The following SNAPC1 variants were observed in gnomAD, a reference collection of about 807,000 sequenced individuals.
SNAPC1 encodes the protein small nuclear RNA activating complex polypeptide 1.
Under a neutral mutation model 50.1 loss-of-function variants are expected in SNAPC1, and 42 were observed. That is an observed-to-expected ratio of 0.84 (90% CI 0.65 to 1.08). The LOEUF is 1.08. Ranked by LOEUF, SNAPC1 falls within the 50% of genes least tolerant of loss-of-function variation. The probability of loss-of-function intolerance (pLI) is 0.00; values close to 1 mark genes in which losing one functional copy is unlikely to be tolerated. For missense variants in SNAPC1, 477 were observed against 427.3 expected, an observed-to-expected ratio of 1.12 and a Z score of -1.02; for synonymous variants, 164 against 144.2, an observed-to-expected ratio of 1.14 and a Z score of -0.98.
chr14:61,769,427 T>C (rs1423145794), intron 4 of SNAPC1, among the ~76,000 whole-genome samples: 1 of 143,094 alleles, frequency 7.0e-6, no homozygotes, highest in Non-Finnish European at 1.5e-5. Context: ...ACACGGAGTC[T>C]TGCTCTGTCA....
intron 1 of SNAPC1, among the ~76,000 whole-genome samples, chr14:61,765,242 T>G (rs1402853356): frequency 6.6e-6 from 1 of 152,186 alleles, no homozygotes. Context: ...TTCAGATAGT[T>G]TATTCATTAT....
intron 4 of SNAPC1, among the ~76,000 whole-genome samples, chr14:61,773,648 G>A (rs1313012415): frequency 2.0e-5 from 3 of 150,404 alleles, no homozygotes; most frequent in Non-Finnish European, 3.0e-5. Flanking sequence ...CGCCCGCCTC[G>A]GCCTCCCAAA....
At chr14:61,779,290 C>T (rs980225798) in intron 7 of SNAPC1, among the ~76,000 whole-genome samples, 3 of 152,236 alleles carry the variant, frequency 2.0e-5, no homozygotes, top group African/African-American at 7.2e-5. Flanking sequence ...GTTTATTGCC[C>T]TTGGCACTCA....
rs561724987 is a variant in SNAPC1 at position 61,786,134 on chromosome 14, C to CA, written c.976+3746dup. ...AAAGACCAATATCCCTTATCTTATC[C>CA]AAAAAAAAATTCAAAATGGATTATG... is the stretch of plus-strand genomic sequence containing the variant. On this transcript the variant is annotated intron_variant, in intron 8 of 9. Transcript: ENST00000216294. Among the ~76,000 whole-genome samples the CA allele has an allele frequency of 3.2e-4, 49 of 150,834 alleles. No individual in the cohort carries two copies. The South Asian group carries it at 7.3e-3, about 23-fold the overall frequency.
intron 9 of SNAPC1, 89 bp downstream of exon 9, chr14:61,792,991 T>A: frequency 3.2e-6 from 2 of 625,180 alleles, no homozygotes; most frequent in South Asian, 4.5e-5. Context: ...AACATGACAG[T>A]TTGCTGTGTG....
At chr14:61,774,572 C>CCATGT (rs1246704445) in intron 4 of SNAPC1, among the ~76,000 whole-genome samples, 1 of 151,216 alleles carries the variant, frequency 6.6e-6, no homozygotes, top group Non-Finnish European at 1.5e-5. Context: ...TAGGGGCTCT[C>CCATGT]CATGTCTGGA....
At chr14:61,766,639 C>T (rs372661157) in intron 1 of SNAPC1, among the ~76,000 whole-genome samples, 2 of 152,336 alleles carry the variant, frequency 1.3e-5, no homozygotes, top group East Asian at 1.9e-4. Context: ...GAAACCCCTT[C>T]CTTCTTGCTC....
At chr14:61,783,201 A>G (rs2045090256) in intron 8 of SNAPC1, among the ~76,000 whole-genome samples, 2 of 146,486 alleles carry the variant, frequency 1.4e-5, no homozygotes, top group South Asian at 2.2e-4. Context: ...TTTTTTTTGT[A>G]TTTTTTTTTA....
In SNAPC1 at chr14:61,762,572, T is replaced by C; in HGVS notation, c.112T>C (p.Phe38Leu). ...DFTELWRNMK[F>L]GTIFCGRMRN... is the part of the protein sequence containing the mutation. ...CACGGAGCTCTGGAGAAACATGAAG[T>C]TCGGGACTATCTTCTGGTGGGTGTT... The change falls in exon 1 of 10, where the codon TTC (phenylalanine) becomes CTC (leucine). Residue 38 changes from phenylalanine to leucine, a missense_variant. Physicochemically the swap from Phe to Leu is conservative, Grantham distance 22. Transcript: ENST00000216294. 6.2e-7 allele frequency: 1 copy of C among 1,609,438 alleles called. No individual in the cohort carries two copies. The highest frequency in any genetic ancestry group is 8.5e-7 in the Non-Finnish European group (1 of 1,178,054).
chr14:61,783,610 A>G (rs2045094151), intron 8 of SNAPC1, among the ~76,000 whole-genome samples: 1 of 134,700 alleles, frequency 7.4e-6, no homozygotes, highest in African/African-American at 2.9e-5. Flanking sequence ...ATCTCGGCTC[A>G]CTGCAACCTC....
chr14:61,762,972 CA>C (rs1379996339), intron 1 of SNAPC1, among the ~76,000 whole-genome samples: 1 of 132,616 alleles, frequency 7.5e-6, no homozygotes, highest in African/African-American at 2.8e-5. Context: ...CTCCAACAAC[CA>C]AAGTTGTCTT....
rs2045163278 is a variant in SNAPC1 at position 61,792,934 on chromosome 14, T to A, written c.1072+32T>A. On this transcript the variant is annotated intron_variant, in intron 9 of 9. Transcript: ENST00000216294. ...ATAAAATTTGGTCAAACTAGTCAAG[T>A]AAACTAACTTATACTCGTAGAGCAT... The A allele has an allele frequency of 3.8e-6, 4 of 1,065,768 alleles. No homozygotes were observed. In the East Asian group the frequency reaches 9.6e-5, roughly 26 times the overall value. 66.0% of individuals were successfully genotyped at this position (1,065,768 alleles called of 1,614,324 possible).
intron 1 of SNAPC1, among the ~76,000 whole-genome samples, chr14:61,763,756 C>T (rs2044926901): frequency 6.6e-6 from 1 of 152,120 alleles, no homozygotes. Flanking sequence ...TTGTTAAGGG[C>T]ATAGGTTATG....
At chr14:61,782,479 TAAG>T (rs1039980372) in intron 8 of SNAPC1, 82 bp downstream of exon 8, 4 of 1,019,364 alleles carry the variant, frequency 3.9e-6, no homozygotes, top group African/African-American at 3.2e-5. Flanking sequence ...ATTTCCTTGT[TAAG>T]AAGGATTAGA....
At chr14:61,763,158 A>C (rs964882174) in intron 1 of SNAPC1, among the ~76,000 whole-genome samples, 1 of 151,112 alleles carries the variant, frequency 6.6e-6, no homozygotes, top group African/African-American at 2.4e-5. Context: ...CGCCCGGTTA[A>C]TTTTTTGTAT....
chr14:61,768,919 C>G (rs1295996769), intron 4 of SNAPC1, among the ~76,000 whole-genome samples, 179 bp downstream of exon 4: 1 of 152,104 alleles, frequency 6.6e-6, no homozygotes, highest in East Asian at 1.9e-4. Context: ...GCTTACAAAT[C>G]TTGAAATAGC....
At chr14:61,791,681 T>A (rs1214947651) in intron 8 of SNAPC1, among the ~76,000 whole-genome samples, 1 of 152,104 alleles carries the variant, frequency 6.6e-6, no homozygotes, top group Non-Finnish European at 1.5e-5. Context: ...AACCCCCATC[T>A]CTACTACAAA....
intron 4 of SNAPC1, among the ~76,000 whole-genome samples, chr14:61,771,308 A>T (rs1462685769): frequency 6.6e-6 from 1 of 152,192 alleles, no homozygotes; most frequent in Non-Finnish European, 1.5e-5. Context: ...TTTAAAGTTG[A>T]GGAAACTGAG....
chr14:61,780,111 T>C (rs1203263031), intron 7 of SNAPC1, among the ~76,000 whole-genome samples: 7 of 152,214 alleles, frequency 4.6e-5, no homozygotes, highest in African/African-American at 1.4e-4. Flanking sequence ...TCTAGATTTC[T>C]TTGTCTTGGA....
Sources: allele counts gnomAD v4.1 joint callset (sites outside exome capture counted in the v4.1 genomes callset), GRCh38; gene constraint gnomAD v4.1.1; transcripts MANE v1.5; gene names NCBI Gene and HGNC (gene_info 2026-07-23, HGNC 2026-07-21).